Variants in MRPL21 observed in about 807,000 individuals in gnomAD.
MRPL21 encodes large ribosomal subunit protein bL21m.
Under a neutral mutation model 27.3 loss-of-function variants are expected in MRPL21, and 20 were observed. The ratio of observed to expected loss-of-function variants is 0.73; its 90% CI spans 0.52 to 1.06. MRPL21 has a LOEUF of 1.06. MRPL21 is among the 50% of genes least tolerant of loss of function. The pLI, the probability that MRPL21 is intolerant of heterozygous loss-of-function variation, is 0.00. For synonymous variants in MRPL21, 98 were observed against 101.5 expected (o/e 0.97, Z 0.21); for missense variants, 249 against 251.4 (o/e 0.99, Z 0.06).
intron 6 of MRPL21, chr11:68,891,667 G>T: frequency 1.8e-6 from 1 of 568,036 alleles, no homozygotes; most frequent in Non-Finnish European, 3.2e-6. Context: ...TGTCTATGCT[G>T]TGACTTCTGG....
intron 4 of MRPL21, among the ~76,000 whole-genome samples, chr11:68,895,636 C>T (rs1857768500): frequency 1.3e-5 from 2 of 152,114 alleles, no homozygotes; most frequent in Admixed American, 6.6e-5. Flanking sequence ...GGTGACAGAG[C>T]GAGACTGAGT....
chr11:68,897,677 G>A (rs1857831364), intron 3 of MRPL21: 1 of 551,472 alleles, frequency 1.8e-6, no homozygotes, highest in Admixed American at 3.2e-5. Flanking sequence ...ACGAGATGGA[G>A]CAGGGGCCCC....
chr11:68,891,971 C>G (rs966148982), intron 6 of MRPL21: 1 of 799,326 alleles, frequency 1.3e-6, no homozygotes, highest in Non-Finnish European at 1.8e-6. Flanking sequence ...GCTAGGACAG[C>G]CCTACACCTG....
At chr11:68,901,788 A>G (rs1225477392) in intron 1 of MRPL21, among the ~76,000 whole-genome samples, 1 of 152,036 alleles carries the variant, frequency 6.6e-6, no homozygotes, top group Non-Finnish European at 1.5e-5. Flanking sequence ...CCACCTATCT[A>G]TCTGCCTTAG....
In MRPL21 at chr11:68,896,588, A is replaced by G; in HGVS notation, c.323T>C (p.Val108Ala). Residue 108 changes from valine (V) to alanine (A), a missense_variant, in exon 4 of 7, where the codon GTG becomes GCG. Coordinates refer to ENST00000362034, the MANE Select transcript of MRPL21 (RefSeq NM_181514.2). ...VVHFASRQWKVTSEDLILIGN... is the reference protein window; with the variant it reads ...VVHFASRQWKATSEDLILIGN... ...AATTAAGATCAGGTCTTCAGAGGTC[A>G]CCTTCCACTGGCGGCTGGCAAAGTG... 1 of 1,614,084 alleles carries G rather than the reference A, an allele frequency of 6.2e-7. No homozygotes were observed. Among genetic ancestry groups the G allele is most frequent in the Non-Finnish European group, 8.5e-7 (1 of 1,179,998 alleles).
intron 4 of MRPL21, among the ~76,000 whole-genome samples, chr11:68,895,925 C>T (rs556106737): frequency 6.6e-6 from 1 of 152,282 alleles, no homozygotes; most frequent in East Asian, 1.9e-4. Context: ...AGCAATCCCC[C>T]ACCTTGGCCT....
chr11:68,901,481 G>T (rs1159340270), intron 1 of MRPL21, among the ~76,000 whole-genome samples: 1 of 152,184 alleles, frequency 6.6e-6, no homozygotes, highest in African/African-American at 2.4e-5. Flanking sequence ...AAAAAGCAGA[G>T]AACAGTTTCT....
At chr11:68,898,591 T>C (rs1857859017) in intron 2 of MRPL21, among the ~76,000 whole-genome samples, 1 of 152,210 alleles carries the variant, frequency 6.6e-6, no homozygotes, top group Non-Finnish European at 1.5e-5. Context: ...TGTGTCCTGG[T>C]GTCTACAACT....
chr11:68,893,053 G>A lies in MRPL21; in HGVS notation c.450-60C>T, dbSNP rs571237725. 98 of 1,468,206 alleles carry A rather than the reference G, an allele frequency of 6.7e-5. No homozygotes were observed. The African/African-American group carries it at 1.3e-3, about 20-fold the overall frequency. 90.9% of individuals were successfully genotyped at this position (1,468,206 alleles called of 1,614,324 possible). ...TTGGATTATTTTTCAAATGCCTTAG[G>A]TGAGAATTTCTAAAATGAAGTTATA... On this transcript the variant is annotated intron_variant, in intron 5 of 6. Transcript: ENST00000362034.
chr11:68,894,284 C>A (rs975428282), intron 4 of MRPL21, among the ~76,000 whole-genome samples: 15 of 152,022 alleles, frequency 9.9e-5, no homozygotes, highest in Admixed American at 9.8e-4. Flanking sequence ...CAACAGTGTT[C>A]TTTCTTCTTT....
At chr11:68,898,080 T>C (rs1857844872) in intron 2 of MRPL21, 68 bp from the exon 3 acceptor site, 3 of 1,263,078 alleles carry the variant, frequency 2.4e-6, no homozygotes, top group East Asian at 4.7e-5. Flanking sequence ...CTCTAAGAAA[T>C]GGCCACACAC....
In MRPL21 at chr11:68,896,605, G is replaced by A. The variant is rs758539056; in HGVS notation, c.306C>T (p.Ala102=). The change falls in exon 4 of 7, where the codon GCC becomes GCT. Residue 102 remains alanine (A), a synonymous_variant. Coordinates refer to ENST00000362034, the MANE Select transcript of MRPL21 (RefSeq NM_181514.2). ...CAGAGGTCACCTTCCACTGGCGGCT[G>A]GCAAAGTGCACCACGGCAAAGAGCC... ...YGRLFAVVHF[A]SRQWKVTSED... The A allele has an allele frequency of 6.2e-7, 1 of 1,614,242 alleles. No homozygotes were observed. The highest frequency in any genetic ancestry group is 1.7e-5 in the Admixed American group (1 of 60,036).
chr11:68,896,493 C>T, intron 4 of MRPL21, 22 bp downstream of exon 4: 1 of 1,612,828 alleles, frequency 6.2e-7, no homozygotes, highest in Non-Finnish European at 8.5e-7. Context: ...CCTGAATATC[C>T]AGAGAAGCTC....
Position 68,896,851 on chromosome 11 carries a change from G to A in MRPL21, c.233-173C>T. 4.1e-6 allele frequency: 3 copies of A among 733,434 alleles called. No individual in the cohort carries two copies. In the South Asian group the frequency reaches 5.3e-5, roughly 13 times the overall value. The allele number at this position is 733,434 out of a possible 1,614,324, so 45.4% of individuals were successfully genotyped here. The stretch of plus-strand genomic sequence containing the variant: ...CCTGCTCCACCCCCTGCAGGCACAA[G>A]GGCAGGCACAGGGTCAGTCTGCTGC... On this transcript the variant is annotated intron_variant, in intron 3 of 6. Coordinates refer to ENST00000362034, the MANE Select transcript of MRPL21 (RefSeq NM_181514.2).
At chr11:68,900,511 A>G in intron 2 of MRPL21, 37 bp downstream of exon 2, 1 of 1,580,484 alleles carries the variant, frequency 6.3e-7, no homozygotes, top group South Asian at 1.1e-5. Context: ...TACAAATGAA[A>G]GGAAAAGAGG....
At chr11:68,896,476 CTG>C in intron 4 of MRPL21, 37 bp downstream of exon 4, 1 of 1,608,528 alleles carries the variant, frequency 6.2e-7, no homozygotes, top group South Asian at 1.1e-5. Flanking sequence ...TACTTGGTGG[CTG>C]AGTCCCTGAA....
chr11:68,893,968 G>C (rs1857717538), intron 4 of MRPL21, among the ~76,000 whole-genome samples: 1 of 152,056 alleles, frequency 6.6e-6, no homozygotes, highest in African/African-American at 2.4e-5. Flanking sequence ...CAGCTACTCA[G>C]GAGGCTGAGA....
intron 2 of MRPL21, among the ~76,000 whole-genome samples, chr11:68,899,411 C>G (rs1252965571): frequency 1.3e-5 from 2 of 152,184 alleles, no homozygotes; most frequent in African/African-American, 4.8e-5. Flanking sequence ...GTCCTGTTGG[C>G]TGGCGCGCAG....
chr11:68,896,621 G>A lies in MRPL21; in HGVS notation c.290C>T (p.Ala97Val). Residue 97 changes from alanine (A) to valine (V), a missense_variant, in exon 4 of 7, where the codon GCC becomes GTC. Transcript: ENST00000362034. ...IVTGQYGRLF[A>V]VVHFASRQWK... Reference sequence around the variant, plus strand: ...CTGGCGGCTGGCAAAGTGCACCACGGCAAAGAGCCTGCCATACTGCCCCGT... The same window carrying A: ...CTGGCGGCTGGCAAAGTGCACCACGACAAAGAGCCTGCCATACTGCCCCGT... 1 of 1,614,240 alleles carries A rather than the reference G, an allele frequency of 6.2e-7. No individual in the cohort carries two copies. Among genetic ancestry groups the A allele is most frequent in the Non-Finnish European group, 8.5e-7 (1 of 1,180,036 alleles).
Sources: allele counts gnomAD v4.1 joint callset (sites outside exome capture counted in the v4.1 genomes callset), GRCh38; gene constraint gnomAD v4.1.1; transcripts MANE v1.5; gene names NCBI Gene and HGNC (gene_info 2026-07-23, HGNC 2026-07-21).